The following RIMS2 variants were observed in gnomAD, a reference collection of about 807,000 sequenced individuals.
The protein encoded by RIMS2 is regulating synaptic membrane exocytosis 2.
Under a neutral mutation model 174.4 loss-of-function variants are expected in RIMS2, and 59 were observed. The ratio of observed to expected loss-of-function variants is 0.34; its 90% CI spans 0.27 to 0.42. The LOEUF (loss-of-function observed/expected upper bound fraction) is 0.42. RIMS2 is among the 10% of genes least tolerant of loss of function. The pLI, the probability that RIMS2 is intolerant of heterozygous loss-of-function variation, is 1.00. For synonymous variants in RIMS2, 606 were observed against 572.5 expected (o/e 1.06, Z -0.84); for missense variants, 1,620 against 1,666.3 (o/e 0.97, Z 0.48).
At chr8:103,593,803 TATTAA>T in intron 1 of RIMS2, among the ~76,000 whole-genome samples, 1 of 151,340 alleles carries the variant, frequency 6.6e-6, no homozygotes, top group Non-Finnish European at 1.5e-5. Context: ...ATGGATTTAT[TATTAA>T]TAATTAAAAA....
chr8:104,234,273 G>C (rs923673204), intron 19 of RIMS2, among the ~76,000 whole-genome samples: 1 of 152,104 alleles, frequency 6.6e-6, no homozygotes, highest in Admixed American at 6.6e-5. Flanking sequence ...CTAAAATGGC[G>C]TGTTCATCCA....
chr8:103,966,896 G>T (rs1373719796), intron 15 of RIMS2, among the ~76,000 whole-genome samples: 1 of 151,416 alleles, frequency 6.6e-6, no homozygotes, highest in Non-Finnish European at 1.5e-5. Context: ...ATATATTATT[G>T]GGTTTTGCAG....
At chr8:103,555,471 C>G (rs1849987166) in intron 1 of RIMS2, among the ~76,000 whole-genome samples, 1 of 152,050 alleles carries the variant, frequency 6.6e-6, no homozygotes, top group Non-Finnish European at 1.5e-5. Context: ...CCTCAACAAA[C>G]TAGAAAGAGA....
At chr8:103,910,116 T>G (rs745371646) in intron 4 of RIMS2, 1 of 1,563,222 alleles carries the variant, frequency 6.4e-7, no homozygotes, top group Non-Finnish European at 8.8e-7. Context: ...ACTGCACTCT[T>G]TTGTCTGACT....
chr8:103,706,184 C>T (rs1046640308), intron 2 of RIMS2, among the ~76,000 whole-genome samples: 17 of 152,122 alleles, frequency 1.1e-4, no homozygotes, highest in African/African-American at 4.8e-5. Flanking sequence ...AAGAATCAAG[C>T]AAGCAAAGTG....
intron 2 of RIMS2, among the ~76,000 whole-genome samples, chr8:103,723,793 T>C (rs1443149221): frequency 6.6e-6 from 1 of 151,866 alleles, no homozygotes; most frequent in Non-Finnish European, 1.5e-5. Flanking sequence ...GTCTAGCCCA[T>C]AGCCTGAGGC....
intron 2 of RIMS2, among the ~76,000 whole-genome samples, chr8:103,706,434 T>C (rs1239940479): frequency 6.6e-6 from 1 of 152,178 alleles, no homozygotes; most frequent in Non-Finnish European, 1.5e-5. Context: ...ATTGTTTCTT[T>C]TTTTTAAAAA....
At chr8:103,703,944 A>T (rs1354095155) in intron 2 of RIMS2, among the ~76,000 whole-genome samples, 2 of 151,918 alleles carry the variant, frequency 1.3e-5, no homozygotes, top group African/African-American at 4.8e-5. Flanking sequence ...GTCTAATTTG[A>T]CTTCTTCCTT....
At chr8:103,551,478 C>T (rs979071004) in intron 1 of RIMS2, among the ~76,000 whole-genome samples, 2 of 152,136 alleles carry the variant, frequency 1.3e-5, no homozygotes, top group Admixed American at 6.5e-5. Context: ...TTTTGGCAAA[C>T]TCACAGCCAA....
At chr8:103,655,380 A>T (rs1352630619) in intron 1 of RIMS2, among the ~76,000 whole-genome samples, 1 of 152,082 alleles carries the variant, frequency 6.6e-6, no homozygotes, top group Non-Finnish European at 1.5e-5. Context: ...AAAGATGGAA[A>T]TACTAGGAAA....
At chr8:103,919,716 C>G (rs1409574513) in intron 9 of RIMS2, among the ~76,000 whole-genome samples, 1 of 152,010 alleles carries the variant, frequency 6.6e-6, no homozygotes, top group Admixed American at 6.6e-5. Context: ...TTACAAGTTT[C>G]TTTAAAGTTT....
At chr8:103,876,909 T>TATATATATATACAC (rs71297243) in intron 3 of RIMS2, among the ~76,000 whole-genome samples, 12 of 66,104 alleles carry the variant, frequency 1.8e-4, no homozygotes, top group East Asian at 3.7e-4. Context: ...TATATATATA[T>TATATATATATACAC]ACACACACAC....
At chr8:103,613,960 G>T (rs904869168) in intron 1 of RIMS2, among the ~76,000 whole-genome samples, 4 of 152,180 alleles carry the variant, frequency 2.6e-5, no homozygotes, top group African/African-American at 9.7e-5. Context: ...TGCCTGTTAA[G>T]CATCAGGAAG....
intron 1 of RIMS2, among the ~76,000 whole-genome samples, chr8:103,582,814 C>T (rs979867336): frequency 6.6e-6 from 1 of 152,108 alleles, no homozygotes; most frequent in African/African-American, 2.4e-5. Flanking sequence ...GACTCTAGTC[C>T]CTGGCCCCCA....
intron 2 of RIMS2, among the ~76,000 whole-genome samples, chr8:103,698,173 T>C (rs567389466): frequency 2.6e-5 from 4 of 152,332 alleles, no homozygotes; most frequent in Middle Eastern, 3.4e-3. Context: ...TTTTTCATTA[T>C]TTTGTTTTGC....
At chr8:104,212,808 A>C (rs1185606460) in intron 19 of RIMS2, among the ~76,000 whole-genome samples, 1 of 152,158 alleles carries the variant, frequency 6.6e-6, no homozygotes, top group African/African-American at 2.4e-5. Context: ...AAAAAAGTGA[A>C]CACTCTCCTC....
At chr8:104,175,600 T>A (rs1412333945) in intron 19 of RIMS2, among the ~76,000 whole-genome samples, 1 of 152,168 alleles carries the variant, frequency 6.6e-6, no homozygotes, top group Non-Finnish European at 1.5e-5. Flanking sequence ...GCTTTTAAGT[T>A]GCAATAAGAA....
At chr8:103,613,507 T>G (rs2095435673) in intron 1 of RIMS2, among the ~76,000 whole-genome samples, 1 of 152,224 alleles carries the variant, frequency 6.6e-6, no homozygotes, top group South Asian at 2.1e-4. Flanking sequence ...AGCCTAAGCC[T>G]GGGCTCAGGG....
intron 1 of RIMS2, among the ~76,000 whole-genome samples, chr8:103,529,891 C>G (rs1005640618): frequency 6.6e-6 from 1 of 152,056 alleles, no homozygotes; most frequent in African/African-American, 2.4e-5. Flanking sequence ...ATATTTTGAT[C>G]TGTGGTTGGT....
Sources: gnomAD v4.1 joint callset for allele counts (sites outside exome capture counted in the v4.1 genomes callset) on GRCh38, gnomAD v4.1.1 for gene constraint, MANE v1.5 for transcripts, NCBI Gene and HGNC (gene_info 2026-07-23, HGNC 2026-07-21) for gene names.